MATN2: variants seen among roughly 807,000 people sequenced by gnomAD.
The protein encoded by MATN2 is matrilin 2.
In MATN2, 69 loss-of-function variants were observed where a neutral mutation model predicts 103.2. That is an observed-to-expected ratio of 0.67 (90% CI 0.55 to 0.82). The LOEUF (loss-of-function observed/expected upper bound fraction) is 0.82, where lower values mean the gene tolerates loss of function less well. MATN2 is among the 40% of genes least tolerant of loss of function. The pLI, the probability that MATN2 is intolerant of heterozygous loss-of-function variation, is 0.00. For missense variants in MATN2, 1,023 were observed against 1,211.5 expected (o/e 0.84, Z 2.31); for synonymous variants, 429 against 450.2 (o/e 0.95, Z 0.60).
intron 1 of MATN2, among the ~76,000 whole-genome samples, chr8:97,873,574 C>T (rs1280733201): frequency 1.3e-5 from 2 of 152,084 alleles, no homozygotes; most frequent in Non-Finnish European, 2.9e-5. Flanking sequence ...TCATGATCCA[C>T]CTGACTCAGC....
intron 7 of MATN2, among the ~76,000 whole-genome samples, chr8:98,001,064 A>T (rs1812771197): frequency 6.6e-6 from 1 of 152,236 alleles, no homozygotes; most frequent in Non-Finnish European, 1.5e-5. Context: ...AGCTTCGTCA[A>T]ATAACTTTTG....
chr8:97,948,988 G>A (rs974652957), intron 4 of MATN2, among the ~76,000 whole-genome samples: 3 of 152,086 alleles, frequency 2.0e-5, no homozygotes, highest in African/African-American at 7.2e-5. Context: ...AGAATATAAG[G>A]AATTCTTAGC....
intron 11 of MATN2, 56 bp downstream of exon 11, chr8:98,016,718 G>T: frequency 3.8e-6 from 6 of 1,581,126 alleles, no homozygotes; most frequent in South Asian, 3.4e-5. Flanking sequence ...GTGTGAAATC[G>T]CTATCCTTAT....
intron 7 of MATN2, among the ~76,000 whole-genome samples, chr8:98,000,987 C>T (rs531795924): frequency 3.3e-5 from 5 of 152,112 alleles, no homozygotes; most frequent in Non-Finnish European, 5.9e-5. Flanking sequence ...AGAGGTTAGC[C>T]AGTGCAGCAA....
intron 1 of MATN2, among the ~76,000 whole-genome samples, chr8:97,884,594 AACCCC>A (rs1818365654): frequency 6.6e-6 from 1 of 152,106 alleles, no homozygotes; most frequent in African/African-American, 2.4e-5. Context: ...AACATGATGA[AACCCC>A]GCCTCTACTA....
intron 5 of MATN2, among the ~76,000 whole-genome samples, chr8:97,976,367 C>G (rs1317540701): frequency 1.3e-5 from 2 of 152,186 alleles, no homozygotes; most frequent in Admixed American, 6.5e-5. Flanking sequence ...CCTCAGCCTC[C>G]CAAAGTGCTG....
rs551204988 is a variant in MATN2, at chr8:97,998,796, T to C, written c.1204+4194T>C. ...AATATGTTGTTTTGCAATACGTAAATATAAATTTTTCTTAAAGACAACATT... is the reference window on the plus strand; with the variant it reads ...AATATGTTGTTTTGCAATACGTAAACATAAATTTTTCTTAAAGACAACATT... On this transcript the variant is annotated intron_variant, in intron 7 of 18. Coordinates refer to ENST00000254898, the MANE Select transcript of MATN2 (RefSeq NM_002380.5). Among the ~76,000 whole-genome samples, 100 of 152,218 alleles carry C rather than the reference T, an allele frequency of 6.6e-4. 1 individual carries two copies. Among genetic ancestry groups the C allele is most frequent in the African/African-American group, 2.2e-3 (90 of 41,552 alleles).
intron 17 of MATN2, 67 bp from the exon 18 acceptor site, chr8:98,033,493 TC>T (rs2130461695): frequency 1.2e-6 from 1 of 812,832 alleles, no homozygotes. Context: ...GCTGATTCAT[TC>T]CTATTATTAT....
At chr8:97,876,741 T>A (rs1439867953) in intron 1 of MATN2, among the ~76,000 whole-genome samples, 1 of 152,098 alleles carries the variant, frequency 6.6e-6, no homozygotes, top group African/African-American at 2.4e-5. Flanking sequence ...AAATAGAACA[T>A]TGCCAGCACC....
Position 98,033,099 on chromosome 8 carries a change from T to C in MATN2, c.2639T>C (p.Val880Ala), listed in dbSNP as rs1176754757. The C allele has an allele frequency of 6.2e-7, 1 of 1,612,138 alleles. No homozygotes were observed. The highest frequency in any genetic ancestry group is 1.1e-5 in the South Asian group (1 of 90,566). ...QDLLSCSNFA[V>A]QHRYLFEEDN... Reference sequence around the variant, plus strand: ...CTACTTTCCTGTTCTAATTTTGCAGTGCAACACAGATATCTGTTTGAAGAA... The same window carrying C: ...CTACTTTCCTGTTCTAATTTTGCAGCGCAACACAGATATCTGTTTGAAGAA... The change falls in exon 17 of 19, where the codon GTG (valine) becomes GCG (alanine). Residue 880 changes from valine (V) to alanine (A), a missense_variant. By Grantham distance (64) the Val-to-Ala change is moderately conservative. Transcript: ENST00000254898.
chr8:98,033,545 C>T lies in MATN2; in HGVS notation c.2717-16C>T. 1 of 1,462,712 alleles carries T rather than the reference C, an allele frequency of 6.8e-7. No individual in the cohort carries two copies. The highest frequency in any genetic ancestry group is 9.4e-7 in the Non-Finnish European group (1 of 1,063,386). 90.6% of individuals were successfully genotyped at this position (1,462,712 alleles called of 1,614,324 possible). A position where few individuals can be genotyped will look rare whatever the true frequency, so the allele number is the denominator to read the frequency against. On this transcript the variant is annotated splice_polypyrimidine_tract_variant and intron_variant, in intron 17 of 18. Coordinates refer to ENST00000254898, the MANE Select transcript of MATN2 (RefSeq NM_002380.5). ...GGTGGATTCTAGAGGTGAACACTTTCCATCTGCTTTCTCAGGAAGCCCTTT... is the reference window on the plus strand; with the variant it reads ...GGTGGATTCTAGAGGTGAACACTTTTCATCTGCTTTCTCAGGAAGCCCTTT...
chr8:97,871,913 G>T (rs1005840212), intron 1 of MATN2, among the ~76,000 whole-genome samples: 2 of 152,198 alleles, frequency 1.3e-5, no homozygotes, highest in Non-Finnish European at 2.9e-5. Context: ...CTTGGCACCC[G>T]AAAGACCTGG....
intron 6 of MATN2, among the ~76,000 whole-genome samples, chr8:97,991,406 A>T (rs1309488970): frequency 2.0e-5 from 3 of 152,188 alleles, no homozygotes; most frequent in Non-Finnish European, 4.4e-5. Flanking sequence ...GGCAGGTGCC[A>T]CCATGCTCAG....
chr8:97,997,436 T>G (rs930542706), intron 7 of MATN2, among the ~76,000 whole-genome samples: 3 of 152,220 alleles, frequency 2.0e-5, no homozygotes, highest in Admixed American at 2.0e-4. Flanking sequence ...TCAGCTGGTA[T>G]CAAAATGTAC....
rs1813976539 is a variant in MATN2 at position 98,030,549 on chromosome 8, T to C, written c.2444T>C (p.Phe815Ser). 2 of 1,613,954 alleles carry C rather than the reference T, an allele frequency of 1.2e-6. No individual in the cohort carries two copies. The highest frequency in any genetic ancestry group is 2.7e-5 in the African/African-American group (2 of 75,034). The part of the protein sequence containing the change: ...IASEPTNKHL[F>S]YAEDFSTMDE... ...TCTGAGCCCACAAACAAGCATCTCT[T>C]CTATGCCGAAGACTTCAGCACAATG... The change falls in exon 15 of 19, where the codon TTC becomes TCC. Residue 815 changes from phenylalanine (F) to serine (S), a missense_variant. Physicochemically the swap from Phe to Ser is radical, Grantham distance 155. Transcript: ENST00000254898.
rs554409105 is a variant in MATN2 at position 97,965,348 on chromosome 8, C to T, written c.958+3818C>T. Reference sequence around the variant, plus strand: ...GCTTCATTTTTAGGAAACTCAACCTCATGGGGAACTGCAGGGTGTATTCCA... The same window carrying T: ...GCTTCATTTTTAGGAAACTCAACCTTATGGGGAACTGCAGGGTGTATTCCA... On this transcript the variant is annotated intron_variant, in intron 5 of 18. Transcript: ENST00000254898. 5.9e-5 allele frequency among the ~76,000 whole-genome samples: 9 copies of T among 152,258 alleles called. No homozygotes were observed. The South Asian group carries it at 1.9e-3, about 32-fold the overall frequency.
At chr8:97,979,898 A>G (rs950619908) in intron 6 of MATN2, among the ~76,000 whole-genome samples, 1 of 152,186 alleles carries the variant, frequency 6.6e-6, no homozygotes, top group African/African-American at 2.4e-5. Flanking sequence ...TCTGCACAAA[A>G]CCTTTTTCAA....
intron 4 of MATN2, among the ~76,000 whole-genome samples, chr8:97,958,741 C>T (rs1353959245): frequency 1.3e-5 from 2 of 152,194 alleles, no homozygotes; most frequent in Non-Finnish European, 2.9e-5. Context: ...CCAGACTTAT[C>T]CTTCCGAAGC....
chr8:98,020,386 T>A (rs1319608681), intron 12 of MATN2, among the ~76,000 whole-genome samples: 1 of 152,174 alleles, frequency 6.6e-6, no homozygotes, highest in East Asian at 1.9e-4. Context: ...GCTCAAGAAA[T>A]CTGCCTGCCT....
Sources: gnomAD v4.1 joint callset for allele counts (sites outside exome capture counted in the v4.1 genomes callset) on GRCh38, gnomAD v4.1.1 for gene constraint, MANE v1.5 for transcripts, NCBI Gene and HGNC (gene_info 2026-07-23, HGNC 2026-07-21) for gene names.